CPNE8: variants seen among roughly 807,000 people sequenced by gnomAD.
CPNE8 encodes copine-8.
A neutral mutation model predicts 81.5 loss-of-function variants in CPNE8; 45 were observed. The ratio of observed to expected loss-of-function variants is 0.55; its 90% CI spans 0.44 to 0.71. CPNE8 has a LOEUF of 0.71. Among genes scored for constraint, CPNE8 ranks in the 30% least tolerant of loss-of-function variants. The pLI is 0.00. For synonymous variants in CPNE8, 252 were observed against 226.3 expected, an observed-to-expected ratio of 1.11 and a Z score of -1.02; for missense variants, 594 against 672.1, an observed-to-expected ratio of 0.88 and a Z score of 1.28.
intron 6 of CPNE8, among the ~76,000 whole-genome samples, chr12:38,805,704 C>T (rs1436361218): frequency 0.012 from 1,435 of 123,282 alleles, 20 homozygotes; most frequent in African/African-American, 0.04. Context: ...ACTAGAAAAG[C>T]AAGAGCAAAC....
At chr12:38,865,029 C>T (rs180846386) in intron 3 of CPNE8, among the ~76,000 whole-genome samples, 45 of 152,244 alleles carry the variant, frequency 3.0e-4, no homozygotes, top group Admixed American at 2.5e-3. Flanking sequence ...GACAACACTT[C>T]TTAAAAGAGA....
chr12:38,799,798 GCGCAC>G (rs1325135642), intron 6 of CPNE8, among the ~76,000 whole-genome samples: 1 of 141,652 alleles, frequency 7.1e-6, no homozygotes, highest in Non-Finnish European at 1.6e-5. Flanking sequence ...CAGTGTGTGC[GCGCAC>G]CGTGCGCGAG....
chr12:38,858,411 G>A (rs1183974940), intron 3 of CPNE8, among the ~76,000 whole-genome samples: 1 of 152,198 alleles, frequency 6.6e-6, no homozygotes, highest in Non-Finnish European at 1.5e-5. Context: ...CAACAGCAGA[G>A]TTACTGCTCT....
At chr12:38,717,532 G>A (rs1940436249) in intron 13 of CPNE8, among the ~76,000 whole-genome samples, 1 of 147,348 alleles carries the variant, frequency 6.8e-6, no homozygotes, top group Admixed American at 6.9e-5. Flanking sequence ...TGCAGGTGGA[G>A]GTATTTATTC....
intron 13 of CPNE8, among the ~76,000 whole-genome samples, chr12:38,713,477 T>C (rs911868140): frequency 5.9e-5 from 9 of 152,306 alleles, no homozygotes; most frequent in Admixed American, 2.0e-4. Context: ...TATCTGATGA[T>C]TGCTGTGTGA....
intron 11 of CPNE8, chr12:38,726,631 T>C (rs1940705291): frequency 6.6e-6 from 1 of 152,214 alleles, no homozygotes; most frequent in African/African-American, 2.4e-5. Context: ...ATAAAATTAA[T>C]TCAATCAAAA....
At chr12:38,796,859 C>A (rs958403923) in intron 6 of CPNE8, among the ~76,000 whole-genome samples, 3 of 152,104 alleles carry the variant, frequency 2.0e-5, no homozygotes, top group African/African-American at 7.2e-5. Context: ...TGCGCTTTTC[C>A]GACGGGCTTA....
At chr12:38,887,150 C>T (rs1249486027) in intron 1 of CPNE8, among the ~76,000 whole-genome samples, 1 of 152,174 alleles carries the variant, frequency 6.6e-6, no homozygotes, top group African/African-American at 2.4e-5. Context: ...TAGGACATTA[C>T]TGCAACTTCC....
chr12:38,661,373 C>T, intron 19 of CPNE8, among the ~76,000 whole-genome samples: 1 of 152,116 alleles, frequency 6.6e-6, no homozygotes, highest in Non-Finnish European at 1.5e-5. Context: ...AAACCAAACA[C>T]TGCATATTCT....
At chr12:38,673,849 T>C (rs1357475414) in intron 18 of CPNE8, among the ~76,000 whole-genome samples, 1 of 152,144 alleles carries the variant, frequency 6.6e-6, no homozygotes, top group Non-Finnish European at 1.5e-5. Flanking sequence ...AGGATAAGTA[T>C]AATTTCTCTC....
intron 8 of CPNE8, among the ~76,000 whole-genome samples, chr12:38,766,159 T>C (rs1301051646): frequency 1.3e-5 from 2 of 151,934 alleles, no homozygotes; most frequent in Non-Finnish European, 2.9e-5. Context: ...CGCCTGGCCG[T>C]GAACATCATT....
In CPNE8 at chr12:38,867,122, GT is replaced by G. The variant is rs575747432; in HGVS notation, c.186+5881del. Among the ~76,000 whole-genome samples, 243 of 152,184 alleles carry G rather than the reference GT, an allele frequency of 1.6e-3. 2 individuals are homozygous for G. The highest frequency in any genetic ancestry group is 5.5e-3 in the African/African-American group (230 of 41,524). The stretch of plus-strand genomic sequence containing the variant: ...GACCTGCCCACCTCACCCTCCCAAA[GT>G]GCTGGGATTACAGGCCTGAGCCACT... On this transcript the variant is annotated intron_variant, in intron 3 of 19. Coordinates refer to ENST00000331366, the MANE Select transcript of CPNE8 (RefSeq NM_153634.3).
intron 19 of CPNE8, among the ~76,000 whole-genome samples, chr12:38,667,819 C>T (rs943763798): frequency 3.3e-5 from 5 of 151,620 alleles, no homozygotes; most frequent in African/African-American, 9.7e-5. Context: ...ATTTTTGAGA[C>T]GGAGTTTCGC....
At chr12:38,849,913 G>A (rs2081075568) in intron 3 of CPNE8, among the ~76,000 whole-genome samples, 1 of 152,124 alleles carries the variant, frequency 6.6e-6, no homozygotes, top group East Asian at 1.9e-4. Flanking sequence ...CCCCATTTTA[G>A]AGATAAGAAA....
intron 6 of CPNE8, among the ~76,000 whole-genome samples, chr12:38,794,423 C>T (rs893375701): frequency 8.6e-5 from 13 of 151,718 alleles, no homozygotes; most frequent in African/African-American, 1.7e-4. Flanking sequence ...AGTATATATC[C>T]AATAGAGAGT....
At chr12:38,803,033 A>G (rs1448457727) in intron 6 of CPNE8, among the ~76,000 whole-genome samples, 4 of 85,698 alleles carry the variant, frequency 4.7e-5, no homozygotes, top group Non-Finnish European at 9.2e-5. Context: ...CCAACCAAAA[A>G]GAGTCCAGGA....
At chr12:38,712,014 CTTTCCACTGA>C (rs1451065159) in intron 13 of CPNE8, among the ~76,000 whole-genome samples, 1 of 152,036 alleles carries the variant, frequency 6.6e-6, no homozygotes, top group African/African-American at 2.4e-5. Context: ...CAGAGTTTAG[CTTTCCACTGA>C]TTTGATGAAT....
chr12:38,662,447 A>T (rs1031708070), intron 19 of CPNE8, among the ~76,000 whole-genome samples: 15 of 152,158 alleles, frequency 9.9e-5, no homozygotes, highest in Non-Finnish European at 2.2e-4. Context: ...AAAGAGGTGA[A>T]AGATCTCTAC....
chr12:38,835,089 G>A (rs1008106025), intron 5 of CPNE8, among the ~76,000 whole-genome samples: 5 of 152,024 alleles, frequency 3.3e-5, no homozygotes, highest in South Asian at 4.2e-4. Flanking sequence ...GTTTCACCAC[G>A]TTGGCCAGGA....
Sources: gnomAD v4.1 joint callset for allele counts (sites outside exome capture counted in the v4.1 genomes callset) on GRCh38, gnomAD v4.1.1 for gene constraint, MANE v1.5 for transcripts, NCBI Gene and HGNC (gene_info 2026-07-23, HGNC 2026-07-21) for gene names.